The following ABCC8 variants were observed in gnomAD, a reference collection of about 807,000 sequenced individuals.
The protein encoded by ABCC8 is ATP-binding cassette sub-family C member 8.
ABCC8 carries 137 observed loss-of-function variants against 188.0 expected under a neutral mutation model. The ratio of observed to expected loss-of-function variants is 0.73; its 90% CI spans 0.63 to 0.84. ABCC8 has a LOEUF of 0.84. ABCC8 is among the 40% of genes least tolerant of loss of function. The pLI is 0.00. For missense variants in ABCC8, 1,750 were observed against 2,072.7 expected (o/e 0.84, Z 3.02); for synonymous variants, 797 against 846.5 (o/e 0.94, Z 1.01).
At chr11:17,424,438 C>T (rs957889140) in intron 16 of ABCC8, among the ~76,000 whole-genome samples, 15 of 152,282 alleles carry the variant, frequency 9.9e-5, no homozygotes, top group African/African-American at 3.6e-4. Context: ...CAGTCAGACC[C>T]GGAGGGTTGG....
chr11:17,395,246 G>A lies in ABCC8; in HGVS notation c.4337C>T (p.Ser1446Leu), dbSNP rs1290859649. The A allele has an allele frequency of 1.9e-6, 3 of 1,598,070 alleles. No individual in the cohort carries two copies. The highest frequency in any genetic ancestry group is 1.1e-5 in the South Asian group (1 of 88,210). The change falls in exon 36 of 39, where the codon TCA becomes TTA. Residue 1446 changes from serine (S) to leucine (L), a missense_variant. Transcript: ENST00000389817. ...RFNLDPERKC[S>L]DSTLWEALEI... Reference sequence around the variant, plus strand: ...CAGGGCCTCCCACAGTGTGCTATCTGAGCACTTCCTCTCAGGGTCCAGGTT... The same window carrying A: ...CAGGGCCTCCCACAGTGTGCTATCTAAGCACTTCCTCTCAGGGTCCAGGTT...
intron 3 of ABCC8, among the ~76,000 whole-genome samples, chr11:17,467,026 T>G (rs1456996988): frequency 7.3e-6 from 1 of 136,176 alleles, no homozygotes; most frequent in African/African-American, 2.8e-5. Flanking sequence ...ATAAATTTTA[T>G]GTTAAACATG....
Position 17,428,088 on chromosome 11 carries a change from C to T in ABCC8, c.2041-146G>A, listed in dbSNP as rs1283515531. On this transcript the variant is annotated intron_variant, in intron 14 of 38. Transcript: ENST00000389817. ...ACTTCCAGAGCAGGGGAGTGGGAGA[C>T]TGGCCTTCTCATGCTGACCCTTGCC... 4.4e-6 allele frequency: 7 copies of T among 1,583,372 alleles called. No individual in the cohort carries two copies. The South Asian group carries it at 5.7e-5, about 13-fold the overall frequency.
chr11:17,426,908 G>T, intron 16 of ABCC8, 141 bp downstream of exon 16: 1 of 932,802 alleles, frequency 1.1e-6, no homozygotes, highest in Non-Finnish European at 1.6e-6. Context: ...TGATGATGAT[G>T]AGAATATCCA....
intron 6 of ABCC8, among the ~76,000 whole-genome samples, chr11:17,457,499 C>G (rs549609846): frequency 1.3e-4 from 20 of 152,360 alleles, no homozygotes; most frequent in African/African-American, 4.8e-4. Flanking sequence ...CAGGGCAGTG[C>G]TGGCAGGTTT....
intron 5 of ABCC8, chr11:17,461,017 C>A: frequency 2.5e-6 from 1 of 399,420 alleles, no homozygotes; most frequent in South Asian, 2.2e-5. Flanking sequence ...GCCTCAGCAA[C>A]TGCCCTGGTG....
intron 10 of ABCC8, among the ~76,000 whole-genome samples, chr11:17,434,984 C>CGCGCGCGCGT (rs71457876): frequency 3.5e-5 from 5 of 144,760 alleles, no homozygotes; most frequent in African/African-American, 7.9e-5. Flanking sequence ...CGTGTGTTCG[C>CGCGCGCGCGT]GTGTGTGTGT....
chr11:17,459,862 C>A (rs555104885), intron 6 of ABCC8, among the ~76,000 whole-genome samples: 7 of 152,278 alleles, frequency 4.6e-5, no homozygotes, highest in African/African-American at 1.2e-4. Context: ...ACTGCCAAGG[C>A]CATTGGATAT....
At chr11:17,413,663 C>G (rs1265702984) in intron 19 of ABCC8, 185 bp from the exon 20 acceptor site, 1 of 1,250,572 alleles carries the variant, frequency 8.0e-7, no homozygotes, top group African/African-American at 1.5e-5. Flanking sequence ...GCACTTCACA[C>G]AGCGTTTGGG....
intron 6 of ABCC8, among the ~76,000 whole-genome samples, chr11:17,455,699 A>G (rs1956966441): frequency 6.6e-6 from 1 of 152,058 alleles, no homozygotes; most frequent in Admixed American, 6.6e-5. Flanking sequence ...GCATTTTGGG[A>G]GGCTGAAGTA....
intron 2 of ABCC8, among the ~76,000 whole-genome samples, chr11:17,471,287 C>A (rs1392880807): frequency 1.3e-5 from 2 of 152,182 alleles, no homozygotes; most frequent in African/African-American, 4.8e-5. Flanking sequence ...TGAGAGAGCA[C>A]AAAGGAGGGG....
intron 10 of ABCC8, among the ~76,000 whole-genome samples, chr11:17,440,692 C>G (rs1956280938): frequency 1.3e-5 from 2 of 152,226 alleles, no homozygotes; most frequent in South Asian, 4.1e-4. Context: ...GGCAGACGGC[C>G]CAGCCACTGA....
rs376648638 is a variant in ABCC8, at chr11:17,430,795, G to T, written c.1817+19C>A. 22 of 1,612,908 alleles carry T rather than the reference G, an allele frequency of 1.4e-5. No individual in the cohort carries two copies. The African/African-American group carries it at 1.6e-4, about 12-fold the overall frequency. ...CAGGACCTGCCTGCCCAGTGCCCTC[G>T]CCCGGACCCTCCCCTCACCTCACTA... is the stretch of plus-strand genomic sequence containing the variant. On this transcript the variant is annotated intron_variant, in intron 12 of 38. Coordinates refer to ENST00000389817, the MANE Select transcript of ABCC8 (RefSeq NM_000352.6).
At position 17,430,635 on chromosome 11, in the gene ABCC8, G is replaced by A. The variant is rs530553780; in HGVS notation, c.1817+179C>T. 7 of 764,158 alleles carry A rather than the reference G, an allele frequency of 9.2e-6. No homozygotes were observed. The Admixed American group carries it at 1.0e-4, about 11-fold the overall frequency. 47.3% of individuals were successfully genotyped at this position (764,158 alleles called of 1,614,324 possible). A position where few individuals can be genotyped will look rare whatever the true frequency, so the allele number is the denominator to read the frequency against. ...AAGCAAGTCCTTGCTCAGGGATGGCGAGCTGGGAAACCATACAGGCCAATG... is the reference window on the plus strand; with the variant it reads ...AAGCAAGTCCTTGCTCAGGGATGGCAAGCTGGGAAACCATACAGGCCAATG... On this transcript the variant is annotated intron_variant, in intron 12 of 38. Coordinates refer to ENST00000389817, the MANE Select transcript of ABCC8 (RefSeq NM_000352.6).
rs78338172 is a variant in ABCC8 at position 17,394,253 on chromosome 11, G to A, written c.4545+13C>T. ...TCCAAGACCATGGTCCCATGGAGGG[G>A]CCCAGGACCAACCGTGGCCATGTCA... On this transcript the variant is annotated intron_variant, in intron 37 of 38. Transcript: ENST00000389817. The A allele has an allele frequency of 3.8e-4, 617 of 1,613,384 alleles. 2 individuals carry two copies. In the African/African-American group the frequency reaches 6.8e-3, roughly 18 times the overall value.
At chr11:17,449,786 A>C (rs1956689073) in intron 7 of ABCC8, among the ~76,000 whole-genome samples, 1 of 152,218 alleles carries the variant, frequency 6.6e-6, no homozygotes, top group Admixed American at 6.5e-5. Flanking sequence ...GGTTTTCTTA[A>C]GGCAGGAACC....
intron 14 of ABCC8, 67 bp from the exon 15 acceptor site, chr11:17,428,009 C>G: frequency 6.3e-7 from 1 of 1,590,812 alleles, no homozygotes; most frequent in Non-Finnish European, 8.6e-7. Context: ...TGAATAGTCT[C>G]TGGCTTCCCC....
At chr11:17,432,445 C>G (rs1955891017) in intron 10 of ABCC8, 1 of 1,142,794 alleles carries the variant, frequency 8.8e-7, no homozygotes, top group African/African-American at 1.6e-5. Context: ...TCCCAGGTAC[C>G]CCGGCCCCCG....
At position 17,393,858 on chromosome 11, in the gene ABCC8, A is replaced by G. The variant is rs962544815; in HGVS notation, c.4546-99T>C. 13 of 1,611,272 alleles carry G rather than the reference A, an allele frequency of 8.1e-6. No individual in the cohort carries two copies. The Admixed American group carries it at 2.2e-4, about 27-fold the overall frequency. ...AGCCCAGGTCTGTGGCTCAGCTCCC[A>G]TCTGACCCCGATCCTAGTCCCACCC... On this transcript the variant is annotated intron_variant, in intron 37 of 38. Transcript: ENST00000389817.
Sources: allele counts gnomAD v4.1 joint callset (sites outside exome capture counted in the v4.1 genomes callset), GRCh38; gene constraint gnomAD v4.1.1; transcripts MANE v1.5; gene names NCBI Gene and HGNC (gene_info 2026-07-23, HGNC 2026-07-21).